Variants in NR5A1 observed in about 807,000 individuals in gnomAD.
The protein encoded by NR5A1 is nuclear receptor subfamily 5 group A member 1.
Under a neutral mutation model 42.7 loss-of-function variants are expected in NR5A1, and 6 were observed. The ratio of observed to expected loss-of-function variants is 0.14; its 90% CI spans 0.08 to 0.28. The LOEUF (loss-of-function observed/expected upper bound fraction) is 0.28, where lower values mean the gene tolerates loss of function less well. Ranked by LOEUF, NR5A1 falls within the 10% of genes least tolerant of loss-of-function variation. The pLI, the probability that NR5A1 is intolerant of heterozygous loss-of-function variation, is 1.00. For missense variants in NR5A1, 442 were observed against 626.4 expected (o/e 0.71, Z 3.14); for synonymous variants, 274 against 277.5 (o/e 0.99, Z 0.12).
chr9:124,507,161 T>C (rs895517748), intron 1 of NR5A1, 88 bp downstream of exon 1: 2 of 152,394 alleles, frequency 1.3e-5, no homozygotes, highest in African/African-American at 2.4e-5. Flanking sequence ...GGTCACTAAG[T>C]GGAGCAGGCA....
intron 6 of NR5A1, among the ~76,000 whole-genome samples, chr9:124,489,929 C>T (rs1036493541): frequency 1.3e-5 from 2 of 152,166 alleles, no homozygotes; most frequent in East Asian, 1.9e-4. Context: ...CAATCCCACC[C>T]AAGCACTGGG....
chr9:124,506,531 T>TAAG (rs1588625480), intron 1 of NR5A1, among the ~76,000 whole-genome samples: 1 of 152,096 alleles, frequency 6.6e-6, no homozygotes. Context: ...TTGGCTGTTC[T>TAAG]AAGGTAGAGC....
chr9:124,486,784 A>G (rs187672752), intron 6 of NR5A1, among the ~76,000 whole-genome samples: 3 of 152,174 alleles, frequency 2.0e-5, no homozygotes, highest in Non-Finnish European at 4.4e-5. Flanking sequence ...ACAGAACACC[A>G]CACCGTTCTT....
rs540457722 is a variant in NR5A1, at chr9:124,484,477, G to A, written c.1139-1472C>T. On this transcript the variant is annotated intron_variant, in intron 6 of 6. Transcript: ENST00000373588. ...AACTAGAAATGCTTGTTGGCCGGGCGTAGTGGTTCACACCTGTCATCCTAG... is the reference window on the plus strand; with the variant it reads ...AACTAGAAATGCTTGTTGGCCGGGCATAGTGGTTCACACCTGTCATCCTAG... Among the ~76,000 whole-genome samples the A allele has an allele frequency of 5.9e-4, 90 of 152,332 alleles. 1 individual carries two copies. The South Asian group carries it at 0.018, about 30-fold the overall frequency.
Position 124,498,972 on chromosome 9 carries a change from C to G in NR5A1, c.870+1118G>C, listed in dbSNP as rs1832427427. Among the ~76,000 whole-genome samples, 1 of 152,224 alleles carries G rather than the reference C, an allele frequency of 6.6e-6. No homozygotes were observed. ...CGGCCTCATGCCCCTGGAGGAAGCCCAGGCCCGAGTGGCGTCAGCATTGAC... is the reference window on the plus strand; with the variant it reads ...CGGCCTCATGCCCCTGGAGGAAGCCGAGGCCCGAGTGGCGTCAGCATTGAC... On this transcript the variant is annotated intron_variant, in intron 4 of 6. Coordinates refer to ENST00000373588, the MANE Select transcript of NR5A1 (RefSeq NM_004959.5). This position sits in a 1 kb window ranked among gnomAD's most constrained non-coding sequence, Gnocchi z 4.6.
In NR5A1 at chr9:124,482,784, C is replaced by T. The variant is rs1378009951; in HGVS notation, c.1360G>A (p.Glu454Lys). The T allele has an allele frequency of 1.5e-6, 2 of 1,358,690 alleles. No homozygotes were observed. The highest frequency in any genetic ancestry group is 1.2e-5 in the South Asian group (1 of 86,062). 84.2% of individuals were successfully genotyped at this position (1,358,690 alleles called of 1,614,324 possible). Residue 454 changes from glutamate to lysine, a missense_variant, in exon 7 of 7, where the codon GAA becomes AAA. Around this residue, in one of 3 missense-constraint regions of NR5A1, gnomAD observed 163 missense variants for 265.8 expected, o/e 0.61. Coordinates refer to ENST00000373588, the MANE Select transcript of NR5A1 (RefSeq NM_004959.5). ...NEMPRNNLLI[E>K]MLQAKQT ...CAAGTCTGCTTGGCTTGCAGCATTTCGATGAGCAGGTTGTTGCGGGGCATC... is the reference window on the plus strand; with the variant it reads ...CAAGTCTGCTTGGCTTGCAGCATTTTGATGAGCAGGTTGTTGCGGGGCATC...
chr9:124,505,069 C>A (rs965609120), intron 1 of NR5A1, among the ~76,000 whole-genome samples: 2 of 152,004 alleles, frequency 1.3e-5, no homozygotes, highest in East Asian at 3.9e-4. Context: ...GTCCTCCCCC[C>A]AAGCCCGGCC....
chr9:124,488,993 AGGGT>A (rs1832263743), intron 6 of NR5A1, among the ~76,000 whole-genome samples: 1 of 152,238 alleles, frequency 6.6e-6, no homozygotes, highest in Non-Finnish European at 1.5e-5. Flanking sequence ...GCATGACATG[AGGGT>A]GGGGCACTTC....
At chr9:124,488,142 G>T (rs1318910356) in intron 6 of NR5A1, among the ~76,000 whole-genome samples, 1 of 145,470 alleles carries the variant, frequency 6.9e-6, no homozygotes, top group Non-Finnish European at 1.5e-5. Context: ...AGTGCTGCTT[G>T]TTTTTTTTTC....
chr9:124,504,911 C>G (rs1288130331), intron 1 of NR5A1, among the ~76,000 whole-genome samples: 3 of 147,412 alleles, frequency 2.0e-5, no homozygotes, highest in Admixed American at 1.3e-4. Flanking sequence ...TGTTCCCCCC[C>G]GCACCGCCGC....
At chr9:124,495,129 C>T (rs930683964) in intron 4 of NR5A1, among the ~76,000 whole-genome samples, 3 of 152,192 alleles carry the variant, frequency 2.0e-5, no homozygotes, top group African/African-American at 7.2e-5. Flanking sequence ...ACCTCTGGGT[C>T]CAGAGCTCCC....
At chr9:124,486,805 C>T (rs1464987954) in intron 6 of NR5A1, among the ~76,000 whole-genome samples, 8 of 152,204 alleles carry the variant, frequency 5.3e-5, no homozygotes, top group African/African-American at 1.7e-4. Flanking sequence ...CCAGCAGACA[C>T]GGGAGCGGGG....
intron 1 of NR5A1, among the ~76,000 whole-genome samples, chr9:124,505,085 C>G (rs1377706968): frequency 6.6e-6 from 1 of 152,066 alleles, no homozygotes; most frequent in Non-Finnish European, 1.5e-5. Flanking sequence ...CGGCCCGCGC[C>G]GGCACCCTCT....
chr9:124,491,036 C>CCCCCCCCGGG, intron 6 of NR5A1, 45 bp downstream of exon 6: 79 of 1,401,492 alleles, frequency 5.6e-5, no homozygotes, highest in Non-Finnish European at 7.0e-5. Context: ...CCCACCCACC[C>CCCCCCCCGGG]GCCTCTGGCT....
rs72761483 is a variant in NR5A1 at position 124,506,073 on chromosome 9, G to T, written c.-16+1176C>A. ...ACCAAAAGGCTCCATCTGGGCTCCC[G>T]CCCGCCTGGAGGCCTCGGGCTTCGG... On this transcript the variant is annotated intron_variant, in intron 1 of 6. Coordinates refer to ENST00000373588, the MANE Select transcript of NR5A1 (RefSeq NM_004959.5). 7.2e-4 allele frequency among the ~76,000 whole-genome samples: 110 copies of T among 152,334 alleles called. 1 individual carries two copies. Among genetic ancestry groups the T allele is most frequent in the Non-Finnish European group, 6.5e-4 (44 of 68,024 alleles).
chr9:124,491,031 C>CCCCCCCCCCCCCGGGGGGGG, intron 6 of NR5A1, 50 bp downstream of exon 6: 2 of 1,217,252 alleles, frequency 1.6e-6, no homozygotes, highest in Non-Finnish European at 2.3e-6. Flanking sequence ...ACCCTCCCAC[C>CCCCCCCCCCCCCGGGGGGGG]CACCCGCCTC....
In NR5A1 at chr9:124,500,317, C is replaced by G; in HGVS notation, c.643G>C (p.Glu215Gln). ...ACGTTGGGCCCTCCAGAGAAGGGCT[C>G]TGGGTAGCCGTACGGCAGCCCAGGC... The part of the protein sequence containing the change: ...PQPGLPYGYP[E>Q]PFSGGPNVPE... Residue 215 changes from glutamate to glutamine, a missense_variant, in exon 4 of 7, where the codon GAG becomes CAG. Transcript: ENST00000373588. The surrounding 1 kb of genome is among the most constrained non-coding windows in gnomAD (Gnocchi z 6.9). 2 of 1,560,288 alleles carry G rather than the reference C, an allele frequency of 1.3e-6. No homozygotes were observed. Among genetic ancestry groups the G allele is most frequent in the Non-Finnish European group, 1.7e-6 (2 of 1,152,646 alleles).
In NR5A1 at chr9:124,503,551, C is replaced by G; in HGVS notation, c.-15-141G>C. The G allele has an allele frequency of 3.3e-6, 2 of 614,342 alleles. No individual in the cohort carries two copies. The highest frequency in any genetic ancestry group is 5.1e-6 in the Non-Finnish European group (2 of 388,778). The allele number at this position is 614,342 out of a possible 1,614,324, so 38.1% of individuals were successfully genotyped here. A position where few individuals can be genotyped will look rare whatever the true frequency, so the allele number is the denominator to read the frequency against. On this transcript the variant is annotated intron_variant, in intron 1 of 6. Transcript: ENST00000373588. The surrounding 1 kb of genome is among the most constrained non-coding windows in gnomAD (Gnocchi z 9.6). ...GGCGCTGCCGCCGGCACCCACCGAG[C>G]GCCCCGCGCAGCGTCCCGGGGTGGG... is the stretch of plus-strand genomic sequence containing the variant.
At chr9:124,483,369 C>T (rs1051787008) in intron 6 of NR5A1, among the ~76,000 whole-genome samples, 12 of 152,224 alleles carry the variant, frequency 7.9e-5, no homozygotes, top group Admixed American at 1.3e-4. Flanking sequence ...CAGCCTCCCT[C>T]GGGGAGGATC....
Sources: allele counts gnomAD v4.1 joint callset (sites outside exome capture counted in the v4.1 genomes callset), GRCh38; gene constraint gnomAD v4.1.1; regional missense constraint gnomAD v4.1.1; non-coding constraint Gnocchi (gnomAD v3.1); transcripts MANE v1.5; gene names NCBI Gene and HGNC (gene_info 2026-07-23, HGNC 2026-07-21).